The following CMSS1 variants were observed in gnomAD, a reference collection of about 807,000 sequenced individuals.
The protein encoded by CMSS1 is protein CMSS1.
CMSS1 carries 33 observed loss-of-function variants against 43.5 expected under a neutral mutation model. That is an observed-to-expected ratio of 0.76 (90% CI 0.57 to 1.01). The LOEUF (loss-of-function observed/expected upper bound fraction) is 1.01, where lower values mean the gene tolerates loss of function less well. Among genes scored for constraint, CMSS1 ranks in the 50% least tolerant of loss-of-function variants. The probability of loss-of-function intolerance (pLI) is 0.00; values close to 1 mark genes in which losing one functional copy is unlikely to be tolerated. For synonymous variants in CMSS1, 115 were observed against 117.2 expected (o/e 0.98, Z 0.12); for missense variants, 313 against 326.4 (o/e 0.96, Z 0.32).
chr3:100,177,308 G>A (rs1002791169), intron 9 of CMSS1, among the ~76,000 whole-genome samples: 7 of 152,104 alleles, frequency 4.6e-5, no homozygotes, highest in African/African-American at 1.7e-4. Flanking sequence ...ATACACAGTC[G>A]TGCATTTTGT....
chr3:99,981,054 A>G (rs1031013111), intron 1 of CMSS1, among the ~76,000 whole-genome samples: 1 of 152,170 alleles, frequency 6.6e-6, no homozygotes, highest in Non-Finnish European at 1.5e-5. Context: ...GGGTGAGGGA[A>G]GAGGCAAAGG....
At chr3:99,866,169 G>A (rs1944506333) in intron 1 of CMSS1, among the ~76,000 whole-genome samples, 1 of 150,518 alleles carries the variant, frequency 6.6e-6, no homozygotes, top group Admixed American at 6.6e-5. Flanking sequence ...TTTTAAGCCT[G>A]TGTTTTTTTT....
intron 1 of CMSS1, among the ~76,000 whole-genome samples, chr3:99,883,284 G>T (rs1299231958): frequency 6.6e-6 from 1 of 152,108 alleles, no homozygotes; most frequent in Non-Finnish European, 1.5e-5. Context: ...TCCACTCATT[G>T]TTCTTCATCT....
chr3:100,101,787 CA>C, intron 1 of CMSS1, among the ~76,000 whole-genome samples: 1 of 152,072 alleles, frequency 6.6e-6, no homozygotes, highest in African/African-American at 2.4e-5. Flanking sequence ...CACCCCACAA[CA>C]GGCCCCAGTG....
chr3:100,081,964 T>G (rs1224791363), intron 1 of CMSS1, among the ~76,000 whole-genome samples: 2 of 152,156 alleles, frequency 1.3e-5, no homozygotes, highest in Non-Finnish European at 2.9e-5. Flanking sequence ...AATTGCTGTT[T>G]TAGAGTAGGA....
chr3:99,961,701 T>A lies in CMSS1; in HGVS notation c.64+143658T>A, dbSNP rs529242107. Among the ~76,000 whole-genome samples, 5 of 152,204 alleles carry A rather than the reference T, an allele frequency of 3.3e-5. No homozygotes were observed. The East Asian group carries it at 7.7e-4, about 23-fold the overall frequency. On this transcript the variant is annotated intron_variant, in intron 1 of 9. Coordinates refer to ENST00000421999, the MANE Select transcript of CMSS1 (RefSeq NM_032359.4). ...ATATTCTTTTATAAGTGATTTAGTC[T>A]AAAAAAAATTTTTTAAGAATATTCT...
intron 1 of CMSS1, among the ~76,000 whole-genome samples, chr3:99,911,199 A>G (rs1032023078): frequency 1.3e-5 from 2 of 152,004 alleles, no homozygotes; most frequent in African/African-American, 4.8e-5. Context: ...CTTCAATCCT[A>G]TTTGGCTGTA....
intron 1 of CMSS1, among the ~76,000 whole-genome samples, chr3:100,105,307 A>C (rs1025441447): frequency 6.6e-6 from 1 of 152,190 alleles, no homozygotes; most frequent in Non-Finnish European, 1.5e-5. Flanking sequence ...TAGTTTGTTA[A>C]GTACTCAGGA....
At chr3:99,967,615 C>T (rs1708693142) in intron 1 of CMSS1, among the ~76,000 whole-genome samples, 1 of 152,150 alleles carries the variant, frequency 6.6e-6, no homozygotes, top group Non-Finnish European at 1.5e-5. Context: ...TCTCTCACGA[C>T]ACATGCAGAG....
At chr3:99,957,729 G>GT in intron 1 of CMSS1, among the ~76,000 whole-genome samples, 1 of 39,030 alleles carries the variant, frequency 2.6e-5, no homozygotes, top group South Asian at 1.1e-3. Context: ...TTTGGTGTGT[G>GT]TGTTTGTTTG....
At chr3:100,039,483 A>T (rs1291437671) in intron 1 of CMSS1, among the ~76,000 whole-genome samples, 2 of 152,190 alleles carry the variant, frequency 1.3e-5, no homozygotes. Context: ...GGAAAGGAAA[A>T]CAGTAAAATT....
chr3:100,140,609 C>T (rs1370243750), intron 1 of CMSS1, among the ~76,000 whole-genome samples: 1 of 152,058 alleles, frequency 6.6e-6, no homozygotes, highest in Non-Finnish European at 1.5e-5. Flanking sequence ...GCCTCAGCCT[C>T]CCTAAGCACT....
intron 1 of CMSS1, among the ~76,000 whole-genome samples, chr3:100,029,949 A>G (rs184290828): frequency 6.6e-6 from 1 of 152,218 alleles, no homozygotes; most frequent in Non-Finnish European, 1.5e-5. Context: ...CAGGTGTGAC[A>G]TGAGTGAGGA....
chr3:99,999,359 C>T (rs1454526289), intron 1 of CMSS1, among the ~76,000 whole-genome samples: 1 of 152,150 alleles, frequency 6.6e-6, no homozygotes, highest in Non-Finnish European at 1.5e-5. Context: ...TTCCCTGCAT[C>T]AGAGTCATAA....
chr3:99,909,678 G>A (rs997225020), intron 1 of CMSS1, among the ~76,000 whole-genome samples: 2 of 152,074 alleles, frequency 1.3e-5, no homozygotes, highest in African/African-American at 4.8e-5. Flanking sequence ...TCATCATACA[G>A]ATGAAAAAAG....
chr3:99,879,464 A>G (rs1429149215), intron 1 of CMSS1, among the ~76,000 whole-genome samples: 2 of 152,256 alleles, frequency 1.3e-5, no homozygotes, highest in African/African-American at 4.8e-5. Context: ...ATATACTGCT[A>G]ATCACATCAA....
intron 1 of CMSS1, among the ~76,000 whole-genome samples, chr3:99,957,029 A>G (rs1173569801): frequency 2.6e-5 from 4 of 152,216 alleles, no homozygotes; most frequent in Non-Finnish European, 4.4e-5. Flanking sequence ...CCAGCTGCCC[A>G]AGCTAGAAAT....
intron 6 of CMSS1, among the ~76,000 whole-genome samples, chr3:100,168,882 C>T (rs201905780): frequency 5.9e-4 from 60 of 101,282 alleles, no homozygotes; most frequent in South Asian, 3.3e-3. Context: ...TATATATATA[C>T]ACACACACAC....
intron 1 of CMSS1, among the ~76,000 whole-genome samples, chr3:100,027,046 A>G (rs925255355): frequency 2.6e-5 from 4 of 151,956 alleles, no homozygotes; most frequent in African/African-American, 9.7e-5. Flanking sequence ...AGGTATCTCT[A>G]CGGCCCATTC....
Sources: gnomAD v4.1 joint callset for allele counts (sites outside exome capture counted in the v4.1 genomes callset) on GRCh38, gnomAD v4.1.1 for gene constraint, MANE v1.5 for transcripts, NCBI Gene and HGNC (gene_info 2026-07-23, HGNC 2026-07-21) for gene names.